Variants in NDUFAF2 observed in about 807,000 individuals in gnomAD.
The protein encoded by NDUFAF2 is NADH:ubiquinone oxidoreductase complex assembly factor 2, also known as NADH dehydrogenase [ubiquinone] 1 alpha subcomplex assembly factor 2.
A neutral mutation model predicts 22.8 loss-of-function variants in NDUFAF2; 13 were observed. The observed-to-expected ratio is 0.57, with a 90% confidence interval of 0.37 to 0.91. NDUFAF2 has a LOEUF of 0.91. Ranked by LOEUF, NDUFAF2 falls within the 40% of genes least tolerant of loss-of-function variation. NDUFAF2 has a pLI of 0.01. For missense variants in NDUFAF2, 162 were observed against 195.2 expected (o/e 0.83, Z 1.01); for synonymous variants, 53 against 64.2 (o/e 0.83, Z 0.84).
intron 3 of NDUFAF2, among the ~76,000 whole-genome samples, chr5:61,146,629 A>G (rs746856634): frequency 7.2e-5 from 11 of 151,902 alleles, no homozygotes; most frequent in Non-Finnish European, 1.5e-4. Flanking sequence ...TAGTTTTAAG[A>G]TTTTATCATT....
At chr5:61,060,646 A>G (rs16878539) in intron 1 of NDUFAF2, among the ~76,000 whole-genome samples, 2,980 of 152,168 alleles carry the variant, frequency 0.02, 114 homozygotes, top group African/African-American at 0.068. Flanking sequence ...GGGAACAACT[A>G]TCTCAGAAGT....
intron 1 of NDUFAF2, among the ~76,000 whole-genome samples, chr5:61,055,516 A>G (rs1752076443): frequency 6.6e-6 from 1 of 152,224 alleles, no homozygotes; most frequent in East Asian, 1.9e-4. Flanking sequence ...AAAAAGGCAG[A>G]ATAAAAAGCC....
intron 1 of NDUFAF2, among the ~76,000 whole-genome samples, chr5:60,951,988 G>A (rs7722373): frequency 0.52 from 77,464 of 149,712 alleles, 20,509 homozygotes; most frequent in East Asian, 0.81. Context: ...TTTTTATCTA[G>A]TATGTTGAAT....
chr5:61,103,876 T>G (rs555013700), intron 3 of NDUFAF2, among the ~76,000 whole-genome samples: 1 of 152,110 alleles, frequency 6.6e-6, no homozygotes, highest in Non-Finnish European at 1.5e-5. Flanking sequence ...GTAGAAACTA[T>G]ACTTCTGAGT....
intron 1 of NDUFAF2, among the ~76,000 whole-genome samples, chr5:61,038,088 A>ACG: frequency 1.3e-5 from 1 of 77,824 alleles, no homozygotes; most frequent in Non-Finnish European, 2.4e-5. Context: ...GAGGCGGGGG[A>ACG]AGAGAGAGAG....
intron 1 of NDUFAF2, among the ~76,000 whole-genome samples, chr5:61,066,515 C>T (rs1217442515): frequency 6.6e-6 from 1 of 151,952 alleles, no homozygotes; most frequent in African/African-American, 2.4e-5. Flanking sequence ...CAGTACGGTA[C>T]TGGCATAATA....
intron 2 of NDUFAF2, chr5:61,083,316 G>A (rs1171738846): frequency 1.3e-5 from 2 of 150,600 alleles, no homozygotes; most frequent in African/African-American, 4.9e-5. Flanking sequence ...GTTCATTTTT[G>A]TATACGGCGA....
At chr5:61,009,662 T>G (rs1751418942) in intron 1 of NDUFAF2, among the ~76,000 whole-genome samples, 1 of 152,106 alleles carries the variant, frequency 6.6e-6, no homozygotes, top group Admixed American at 6.6e-5. Flanking sequence ...TAGAGCTCTG[T>G]TCTCAGCTAA....
At chr5:61,038,750 T>C (rs916307005) in intron 1 of NDUFAF2, among the ~76,000 whole-genome samples, 8 of 152,196 alleles carry the variant, frequency 5.3e-5, no homozygotes, top group Non-Finnish European at 1.0e-4. Context: ...TTATTTGTTA[T>C]TAAGTTATTA....
At chr5:61,075,015 C>T (rs1427945105) in intron 2 of NDUFAF2, among the ~76,000 whole-genome samples, 1 of 152,056 alleles carries the variant, frequency 6.6e-6, no homozygotes, top group African/African-American at 2.4e-5. Context: ...CATGGGGAAA[C>T]CGCCCCCATG....
At chr5:61,059,059 A>G (rs1023993936) in intron 1 of NDUFAF2, among the ~76,000 whole-genome samples, 1 of 152,046 alleles carries the variant, frequency 6.6e-6, no homozygotes, top group South Asian at 2.1e-4. Flanking sequence ...TTTTTTAAAA[A>G]CAGTTTTTGA....
intron 1 of NDUFAF2, among the ~76,000 whole-genome samples, chr5:60,993,407 T>A (rs1270063269): frequency 3.3e-5 from 5 of 152,222 alleles, no homozygotes. Context: ...CAGCCCTGTT[T>A]GTGTTACAGC....
At chr5:61,048,064 A>G (rs1001618888) in intron 1 of NDUFAF2, among the ~76,000 whole-genome samples, 1 of 152,054 alleles carries the variant, frequency 6.6e-6, no homozygotes, top group Non-Finnish European at 1.5e-5. Context: ...TTATTGACAA[A>G]TGAATTCATT....
intron 1 of NDUFAF2, among the ~76,000 whole-genome samples, chr5:61,035,043 T>G (rs1296467377): frequency 4.0e-5 from 6 of 151,566 alleles, no homozygotes. Flanking sequence ...TCTGAAAAGC[T>G]TAACCCACTG....
chr5:61,045,192 T>A, intron 1 of NDUFAF2, among the ~76,000 whole-genome samples: 1 of 102,226 alleles, frequency 9.8e-6, no homozygotes, highest in Middle Eastern at 5.4e-3. Flanking sequence ...AAAATAAAGT[T>A]TTATTAAATT....
chr5:61,040,286 A>ACACACACGCGCGCGCGCGCGCG (rs1491193758), intron 1 of NDUFAF2, among the ~76,000 whole-genome samples: 23 of 93,062 alleles, frequency 2.5e-4, no homozygotes, highest in African/African-American at 9.6e-4. Context: ...ACACACACAC[A>ACACACACGCGCGCGCGCGCGCG]CGCGCGCGCG....
chr5:61,017,837 C>T (rs898525353), intron 1 of NDUFAF2, among the ~76,000 whole-genome samples: 6 of 152,042 alleles, frequency 3.9e-5, no homozygotes, highest in African/African-American at 1.4e-4. Flanking sequence ...GCAACCTCCA[C>T]CTCCCAGGTT....
chr5:60,982,567 A>G (rs1306634864), intron 1 of NDUFAF2, among the ~76,000 whole-genome samples: 6 of 99,064 alleles, frequency 6.1e-5, no homozygotes. Context: ...ACCCCACATC[A>G]GGCCCTGGTG....
At chr5:60,989,923 T>A (rs935443815) in intron 1 of NDUFAF2, among the ~76,000 whole-genome samples, 18 of 152,024 alleles carry the variant, frequency 1.2e-4, no homozygotes, top group African/African-American at 3.6e-4. Context: ...GAAATTTTTT[T>A]AAAAAAGAAA....
Sources: gnomAD v4.1 joint callset for allele counts (sites outside exome capture counted in the v4.1 genomes callset) on GRCh38, gnomAD v4.1.1 for gene constraint, MANE v1.5 for transcripts, NCBI Gene and HGNC (gene_info 2026-07-23, HGNC 2026-07-21) for gene names.